Variants in CPEB3 observed in about 807,000 individuals in gnomAD.
The protein encoded by CPEB3 is cytoplasmic polyadenylation element binding protein 3, also known as cytoplasmic polyadenylation element-binding protein 3.
CPEB3 carries 20 observed loss-of-function variants against 67.2 expected under a neutral mutation model. The observed-to-expected ratio is 0.30, with a 90% CI of 0.21 to 0.43. The LOEUF is 0.43. CPEB3 is among the 20% of genes least tolerant of loss of function. The pLI, the probability that CPEB3 is intolerant of heterozygous loss-of-function variation, is 1.00. For missense variants in CPEB3, 746 were observed against 968.6 expected (o/e 0.77, Z 3.05); for synonymous variants, 376 against 393.1 (o/e 0.96, Z 0.51).
intron 6 of CPEB3, among the ~76,000 whole-genome samples, chr10:92,115,299 G>GT (rs1437016336): frequency 1.3e-5 from 2 of 152,192 alleles, no homozygotes; most frequent in Non-Finnish European, 2.9e-5. Flanking sequence ...GACTACAGGC[G>GT]TGTGACACCA....
intron 4 of CPEB3, among the ~76,000 whole-genome samples, chr10:92,164,664 A>T (rs1032417117): frequency 6.6e-6 from 1 of 152,216 alleles, no homozygotes; most frequent in East Asian, 1.9e-4. Context: ...TAGTATGGAC[A>T]AACTACAATT....
intron 6 of CPEB3, among the ~76,000 whole-genome samples, chr10:92,136,017 G>A (rs1378317867): frequency 6.6e-6 from 1 of 151,808 alleles, no homozygotes; most frequent in East Asian, 1.9e-4. Flanking sequence ...GTCATGGGGT[G>A]GGGGGCAGGG....
chr10:92,177,006 G>A (rs143630158), intron 4 of CPEB3, among the ~76,000 whole-genome samples: 1 of 152,188 alleles, frequency 6.6e-6, no homozygotes, highest in Non-Finnish European at 1.5e-5. Context: ...TGTGGCCCAG[G>A]ACAATTATTC....
chr10:92,072,614 T>C (rs914258543), intron 9 of CPEB3, among the ~76,000 whole-genome samples: 4 of 152,298 alleles, frequency 2.6e-5, no homozygotes, highest in South Asian at 2.1e-4. Context: ...CATACCACGA[T>C]TGGAAAAAGC....
chr10:92,144,508 C>T (rs886871764), intron 5 of CPEB3, among the ~76,000 whole-genome samples: 3 of 152,144 alleles, frequency 2.0e-5, no homozygotes, highest in Non-Finnish European at 4.4e-5. Flanking sequence ...TCAAGTAATC[C>T]TCCCATCTTG....
chr10:92,279,880 C>T (rs1842180631), intron 1 of CPEB3, among the ~76,000 whole-genome samples: 1 of 151,954 alleles, frequency 6.6e-6, no homozygotes, highest in Non-Finnish European at 1.5e-5. Flanking sequence ...CATGGTGGCG[C>T]GTGCCTGTAA....
intron 9 of CPEB3, among the ~76,000 whole-genome samples, chr10:92,053,521 G>A (rs1406091337): frequency 3.4e-5 from 5 of 148,240 alleles, no homozygotes; most frequent in South Asian, 2.1e-4. Flanking sequence ...GCGCCACCAC[G>A]CTCGGCTAAT....
chr10:92,229,291 C>T (rs760465278), intron 2 of CPEB3, among the ~76,000 whole-genome samples: 4 of 152,124 alleles, frequency 2.6e-5, no homozygotes, highest in South Asian at 2.1e-4. Flanking sequence ...ACCTTGGCCC[C>T]GCAAAGTGCT....
At chr10:92,129,932 G>A (rs1336886217) in intron 6 of CPEB3, among the ~76,000 whole-genome samples, 2 of 152,038 alleles carry the variant, frequency 1.3e-5, no homozygotes, top group African/African-American at 4.8e-5. Flanking sequence ...AGCTACTTAG[G>A]AGGCTAAGGC....
At chr10:92,191,595 A>G in intron 3 of CPEB3, among the ~76,000 whole-genome samples, 1 of 152,096 alleles carries the variant, frequency 6.6e-6, no homozygotes, top group East Asian at 1.9e-4. Flanking sequence ...CATTCACACT[A>G]TAATATGGGC....
At chr10:92,142,451 A>G (rs1846482106) in intron 6 of CPEB3, among the ~76,000 whole-genome samples, 1 of 152,208 alleles carries the variant, frequency 6.6e-6, no homozygotes. Flanking sequence ...ACTATGAACA[A>G]AGCAATATAT....
At chr10:92,093,095 CA>C (rs1843690035) in intron 7 of CPEB3, among the ~76,000 whole-genome samples, 1 of 152,040 alleles carries the variant, frequency 6.6e-6, no homozygotes, top group African/African-American at 2.4e-5. Context: ...TTAAACAAAA[CA>C]AAAACACAAA....
In CPEB3 at chr10:92,166,201, C is replaced by T. The variant is rs192950945; in HGVS notation, c.1222+14762G>A. On this transcript the variant is annotated intron_variant, in intron 4 of 9. Transcript: ENST00000265997. ...TCGGCTCACTGCCACTTCCGTCTCCCGGGTTCAAGTGATTCTCCTGCCTCA... is the reference window on the plus strand; with the variant it reads ...TCGGCTCACTGCCACTTCCGTCTCCTGGGTTCAAGTGATTCTCCTGCCTCA... Among the ~76,000 whole-genome samples the T allele has an allele frequency of 3.4e-3, 520 of 151,942 alleles. 4 individuals carry two copies. Among genetic ancestry groups the T allele is most frequent in the African/African-American group, 0.011 (464 of 41,426 alleles).
intron 7 of CPEB3, among the ~76,000 whole-genome samples, chr10:92,106,473 A>G (rs745440408): frequency 5.3e-5 from 8 of 152,150 alleles, no homozygotes; most frequent in Admixed American, 2.0e-4. Context: ...GGAAGGATTC[A>G]TGAAAGAGAT....
intron 1 of CPEB3, among the ~76,000 whole-genome samples, chr10:92,271,014 T>C (rs1039279308): frequency 2.0e-5 from 3 of 152,030 alleles, no homozygotes; most frequent in African/African-American, 2.4e-5. Context: ...TCGTCTCTAC[T>C]AAAAATACAA....
intron 2 of CPEB3, among the ~76,000 whole-genome samples, chr10:92,234,114 AAAAAAAAAAAG>A (rs1048762042): frequency 1.3e-5 from 2 of 151,772 alleles, no homozygotes; most frequent in Non-Finnish European, 2.9e-5. Flanking sequence ...TCAAAAAAAA[AAAAAAAAAAAG>A]GAGAAGGATA....
At chr10:92,171,717 C>T (rs1370341190) in intron 4 of CPEB3, among the ~76,000 whole-genome samples, 2 of 151,992 alleles carry the variant, frequency 1.3e-5, no homozygotes, top group Non-Finnish European at 2.9e-5. Context: ...TGGGTTCAAG[C>T]GATTCTCCTG....
chr10:92,162,481 T>C (rs995357174), intron 4 of CPEB3, among the ~76,000 whole-genome samples: 5 of 152,178 alleles, frequency 3.3e-5, no homozygotes, highest in African/African-American at 4.8e-5. Flanking sequence ...AGTTCATTGG[T>C]TATAAAAATA....
chr10:92,247,264 C>T (rs1053567438), intron 1 of CPEB3, among the ~76,000 whole-genome samples: 11 of 152,194 alleles, frequency 7.2e-5, no homozygotes, highest in Non-Finnish European at 1.6e-4. Flanking sequence ...GTCGCCCAAG[C>T]TGGAGTGCAG....
Sources: allele counts gnomAD v4.1 joint callset (sites outside exome capture counted in the v4.1 genomes callset), GRCh38; gene constraint gnomAD v4.1.1; transcripts MANE v1.5; gene names NCBI Gene and HGNC (gene_info 2026-07-23, HGNC 2026-07-21).